The following CHRM3 variants were observed in gnomAD, a reference collection of about 807,000 sequenced individuals.
CHRM3 encodes muscarinic acetylcholine receptor M3.
Under a neutral mutation model 41.8 loss-of-function variants are expected in CHRM3, and 11 were observed. The observed-to-expected ratio is 0.26, with a 90% CI of 0.17 to 0.44. The LOEUF (loss-of-function observed/expected upper bound fraction) is 0.44. Among genes scored for constraint, CHRM3 ranks in the 20% least tolerant of loss-of-function variants. The probability of loss-of-function intolerance (pLI) is 1.00; values close to 1 mark genes in which losing one functional copy is unlikely to be tolerated. For missense variants in CHRM3, 571 were observed against 745.4 expected, an observed-to-expected ratio of 0.77 and a Z score of 2.72; for synonymous variants, 297 against 301.4, an observed-to-expected ratio of 0.99 and a Z score of 0.15.
intron 1 of CHRM3, among the ~76,000 whole-genome samples, chr1:239,481,183 G>T (rs1666828261): frequency 6.6e-6 from 1 of 152,146 alleles, no homozygotes; most frequent in Admixed American, 6.5e-5. Flanking sequence ...GTTGAGTATA[G>T]GAACCTATAT....
intron 3 of CHRM3, among the ~76,000 whole-genome samples, chr1:239,611,800 A>T (rs1667109608): frequency 6.6e-6 from 1 of 152,208 alleles, no homozygotes; most frequent in African/African-American, 2.4e-5. Context: ...TTGCATGGTG[A>T]TGTGGACAAA....
intron 6 of CHRM3, among the ~76,000 whole-genome samples, chr1:239,878,124 T>G (rs2102851368): frequency 6.6e-6 from 1 of 152,124 alleles, no homozygotes; most frequent in Non-Finnish European, 1.5e-5. Flanking sequence ...TCTCCTGACC[T>G]TGTAATCCAC....
At chr1:239,758,605 A>T (rs1666432451) in intron 5 of CHRM3, among the ~76,000 whole-genome samples, 1 of 152,242 alleles carries the variant, frequency 6.6e-6, no homozygotes, top group African/African-American at 2.4e-5. Context: ...AACTGAAATT[A>T]TTAAATGCTT....
intron 1 of CHRM3, among the ~76,000 whole-genome samples, chr1:239,460,962 A>G (rs552376039): frequency 9.2e-5 from 14 of 152,366 alleles, no homozygotes; most frequent in African/African-American, 3.1e-4. Flanking sequence ...TACAGCAAAC[A>G]CAAAAGTGAA....
intron 5 of CHRM3, among the ~76,000 whole-genome samples, chr1:239,778,284 G>A (rs1177558748): frequency 1.3e-5 from 2 of 152,112 alleles, no homozygotes; most frequent in African/African-American, 4.8e-5. Flanking sequence ...ATCTTTTGGA[G>A]TTCTTTCTAT....
At position 239,778,809 on chromosome 1, in the gene CHRM3, C is replaced by G. The variant is rs138944363; in HGVS notation, c.-146-48443C>G. Reference sequence around the variant, plus strand: ...TTGGAGCCACGATTACAGGGGATGCCAGGTCCTATTCATTTTGGCCTTTTT... The same window carrying G: ...TTGGAGCCACGATTACAGGGGATGCGAGGTCCTATTCATTTTGGCCTTTTT... On this transcript the variant is annotated intron_variant, in intron 5 of 6. Transcript: ENST00000676153. 2.2e-3 allele frequency among the ~76,000 whole-genome samples: 337 copies of G among 152,254 alleles called. 1 individual carries two copies. The highest frequency in any genetic ancestry group is 3.4e-3 in the Non-Finnish European group (228 of 68,026).
intron 1 of CHRM3, among the ~76,000 whole-genome samples, chr1:239,485,011 A>T (rs551678565): frequency 9.6e-4 from 147 of 152,338 alleles, no homozygotes; most frequent in African/African-American, 2.8e-3. Flanking sequence ...GGAAGACAGG[A>T]TATCCCTATA....
chr1:239,668,051 G>T (rs1573212340), intron 4 of CHRM3, among the ~76,000 whole-genome samples: 1 of 146,456 alleles, frequency 6.8e-6, no homozygotes, highest in Non-Finnish European at 1.5e-5. Flanking sequence ...TATCACTTAA[G>T]GTCAAATACA....
At chr1:239,404,240 G>C (rs1157145206) in intron 1 of CHRM3, among the ~76,000 whole-genome samples, 1 of 149,518 alleles carries the variant, frequency 6.7e-6, no homozygotes, top group Non-Finnish European at 1.5e-5. Flanking sequence ...AGTGAGCCGA[G>C]ATCGCACCAC....
At position 239,554,066 on chromosome 1, in the gene CHRM3, T is replaced by C. The variant is rs192278740; in HGVS notation, c.-313+8317T>C. 2.6e-3 allele frequency among the ~76,000 whole-genome samples: 395 copies of C among 152,258 alleles called. 2 individuals carry two copies. The highest frequency in any genetic ancestry group is 9.3e-3 in the African/African-American group (387 of 41,552). ...CACTACACCTGGCTAATTTTTTTAT[T>C]TGTAGTAAAGACAGGTTTCACCATG... On this transcript the variant is annotated intron_variant, in intron 3 of 6. Transcript: ENST00000676153.
At chr1:239,759,876 T>A (rs1343706610) in intron 5 of CHRM3, among the ~76,000 whole-genome samples, 1 of 152,154 alleles carries the variant, frequency 6.6e-6, no homozygotes, top group Non-Finnish European at 1.5e-5. Flanking sequence ...TGTCATGTCT[T>A]TTGATGTATC....
intron 1 of CHRM3, among the ~76,000 whole-genome samples, chr1:239,485,117 G>T (rs1667102978): frequency 1.3e-5 from 2 of 151,982 alleles, no homozygotes; most frequent in Admixed American, 1.3e-4. Context: ...CTCTACTAAG[G>T]AAAAATGTAA....
chr1:239,841,938 C>A (rs1427852917), intron 6 of CHRM3, among the ~76,000 whole-genome samples: 1 of 152,140 alleles, frequency 6.6e-6, no homozygotes, highest in Non-Finnish European at 1.5e-5. Context: ...ACTTAGAATT[C>A]ATTCATTCCA....
At chr1:239,891,372 T>C (rs1678535971) in intron 6 of CHRM3, among the ~76,000 whole-genome samples, 1 of 152,194 alleles carries the variant, frequency 6.6e-6, no homozygotes, top group South Asian at 2.1e-4. Flanking sequence ...AATAAATCTT[T>C]CCATTTGCAT....
At chr1:239,614,026 G>A (rs995113183) in intron 3 of CHRM3, among the ~76,000 whole-genome samples, 4 of 152,106 alleles carry the variant, frequency 2.6e-5, no homozygotes, top group Admixed American at 2.0e-4. Context: ...AATTAGCTGA[G>A]TGTGGTGGTG....
chr1:239,627,812 AG>A (rs1358171906), intron 3 of CHRM3, among the ~76,000 whole-genome samples: 1 of 149,982 alleles, frequency 6.7e-6, no homozygotes, highest in Non-Finnish European at 1.5e-5. Context: ...CTTTTCTTTA[AG>A]AACGTTGAAT....
chr1:239,489,174 G>C (rs1313241797), intron 1 of CHRM3, among the ~76,000 whole-genome samples: 2 of 152,194 alleles, frequency 1.3e-5, no homozygotes, highest in African/African-American at 4.8e-5. Flanking sequence ...AGCAGTTTGG[G>C]AGGCCAAGGC....
intron 5 of CHRM3, among the ~76,000 whole-genome samples, chr1:239,750,681 C>G (rs7538083): frequency 0.038 from 5,816 of 152,240 alleles, 379 homozygotes; most frequent in African/African-American, 0.13. Context: ...TCAAATAAGG[C>G]AGATGCTAAA....
chr1:239,819,702 A>C (rs1259156802), intron 5 of CHRM3, among the ~76,000 whole-genome samples: 1 of 152,224 alleles, frequency 6.6e-6, no homozygotes, highest in African/African-American at 2.4e-5. Flanking sequence ...CACAATCACC[A>C]TGAGCTTAGA....
Sources: gnomAD v4.1 joint callset for allele counts (sites outside exome capture counted in the v4.1 genomes callset) on GRCh38, gnomAD v4.1.1 for gene constraint, MANE v1.5 for transcripts, NCBI Gene and HGNC (gene_info 2026-07-23, HGNC 2026-07-21) for gene names.